SUMO2: variants seen among roughly 807,000 people sequenced by gnomAD.
SUMO2 encodes the protein small ubiquitin like modifier 2.
In SUMO2, 1 loss-of-function variant was observed where a neutral mutation model predicts 16.0. The observed-to-expected ratio is 0.06, with a 90% CI of 0.02 to 0.30. The LOEUF is 0.30. SUMO2 is among the 10% of genes least tolerant of loss of function. SUMO2 has a pLI of 1.00. For synonymous variants in SUMO2, 36 were observed against 40.6 expected (o/e 0.89, Z 0.43); for missense variants, 16 against 117.5 (o/e 0.14, Z 3.99).
At chr17:75,174,938 T>C (rs1209470942) in intron 2 of SUMO2, 115 bp from the exon 3 acceptor site, 2 of 890,188 alleles carry the variant, frequency 2.2e-6, no homozygotes, top group Non-Finnish European at 3.4e-6. Flanking sequence ...AATAAACAAT[T>C]GCCAACATGT....
intron 2 of SUMO2, among the ~76,000 whole-genome samples, chr17:75,179,548 T>C (rs1598228345): frequency 6.8e-6 from 1 of 147,278 alleles, no homozygotes; most frequent in South Asian, 2.1e-4. Flanking sequence ...AAAAAAAAGG[T>C]ATCTTTATAA....
chr17:75,180,403 A>AC (rs1312289072), intron 2 of SUMO2, among the ~76,000 whole-genome samples: 10 of 136,930 alleles, frequency 7.3e-5, no homozygotes, highest in South Asian at 4.7e-4. Flanking sequence ...AAAAAAAAAA[A>AC]AAAAAAAAAA....
intron 3 of SUMO2, among the ~76,000 whole-genome samples, chr17:75,171,069 TA>T (rs1555654517): frequency 5.6e-3 from 789 of 141,220 alleles, no homozygotes; most frequent in Admixed American, 6.3e-3. Flanking sequence ...AAGGGGCAGT[TA>T]AAAAAAAAAA....
Position 75,178,564 on chromosome 17 carries a change from T to C in SUMO2, c.153+2493A>G, listed in dbSNP as rs182029649. ...TGTTCAAAACCACCAAACTGAAGCA[T>C]GATTCTGTTTGTTTGTGGTTTTGAG... On this transcript the variant is annotated intron_variant, in intron 2 of 3. Transcript: ENST00000420826. Among the ~76,000 whole-genome samples the C allele has an allele frequency of 4.9e-4, 74 of 150,276 alleles. 2 individuals carry two copies. The East Asian group carries it at 0.01, about 21-fold the overall frequency.
At chr17:75,175,853 G>C (rs570267299) in intron 2 of SUMO2, among the ~76,000 whole-genome samples, 9 of 151,946 alleles carry the variant, frequency 5.9e-5, no homozygotes, top group African/African-American at 1.7e-4. Flanking sequence ...GACTGATCTC[G>C]AACTCCTGAC....
At chr17:75,181,946 A>G (rs2074832308) in intron 1 of SUMO2, among the ~76,000 whole-genome samples, 1 of 152,142 alleles carries the variant, frequency 6.6e-6, no homozygotes, top group Non-Finnish European at 1.5e-5. Context: ...CTGTAGCCCT[A>G]AAACGCTCCA....
intron 3 of SUMO2, among the ~76,000 whole-genome samples, chr17:75,169,958 C>T (rs1313866580): frequency 6.6e-6 from 1 of 151,534 alleles, no homozygotes; most frequent in Non-Finnish European, 1.5e-5. Flanking sequence ...AGTTCAAGAC[C>T]AGCCTGGCCA....
chr17:75,166,916 A>C lies in SUMO2; in HGVS notation c.*1423T>G, dbSNP rs1285926575. 1 of 152,062 alleles carries C rather than the reference A, an allele frequency of 6.6e-6. No individual in the cohort carries two copies. Among genetic ancestry groups the C allele is most frequent in the Non-Finnish European group, 1.5e-5 (1 of 68,086 alleles). The allele number at this position is 152,062 out of a possible 1,614,324, so 9.4% of individuals were successfully genotyped here. Reference sequence around the variant, plus strand: ...GAATGATGCTCCATCTCAAAAAACCACCACCAAAAGAAACCCTAAGAAACA... The same window carrying C: ...GAATGATGCTCCATCTCAAAAAACCCCCACCAAAAGAAACCCTAAGAAACA... On this transcript the variant is annotated 3_prime_UTR_variant, in exon 4 of 4. Transcript: ENST00000420826.
At chr17:75,180,713 A>T (rs2074822498) in intron 2 of SUMO2, among the ~76,000 whole-genome samples, 1 of 152,118 alleles carries the variant, frequency 6.6e-6, no homozygotes, top group African/African-American at 2.4e-5. Flanking sequence ...TCCATCTCAA[A>T]AAAATAAAAT....
At chr17:75,177,114 G>A (rs2074788615) in intron 2 of SUMO2, among the ~76,000 whole-genome samples, 1 of 151,662 alleles carries the variant, frequency 6.6e-6, no homozygotes, top group Non-Finnish European at 1.5e-5. Flanking sequence ...ATGAACCCGG[G>A]AGGTGGAGGT....
chr17:75,178,282 G>A (rs533606193), intron 2 of SUMO2, among the ~76,000 whole-genome samples: 7 of 152,048 alleles, frequency 4.6e-5, no homozygotes, highest in Non-Finnish European at 8.8e-5. Flanking sequence ...TTGGGAGGCC[G>A]AAGCAGGCGG....
intron 3 of SUMO2, among the ~76,000 whole-genome samples, chr17:75,172,438 G>C (rs1294822952): frequency 6.7e-6 from 1 of 149,920 alleles, no homozygotes; most frequent in Non-Finnish European, 1.5e-5. Flanking sequence ...TCCTGCCTCA[G>C]CCTCCTGAGT....
intron 3 of SUMO2, among the ~76,000 whole-genome samples, chr17:75,174,183 A>G (rs2074763979): frequency 6.6e-6 from 1 of 152,206 alleles, no homozygotes; most frequent in African/African-American, 2.4e-5. Context: ...TGTGGTCAGC[A>G]GTTCAAGACC....
chr17:75,173,348 C>G (rs1373194849), intron 3 of SUMO2, among the ~76,000 whole-genome samples: 1 of 152,048 alleles, frequency 6.6e-6, no homozygotes, highest in Non-Finnish European at 1.5e-5. Flanking sequence ...CCTGTAGAGA[C>G]CAGGTCTTGC....
chr17:75,177,443 C>T (rs955180531), intron 2 of SUMO2, among the ~76,000 whole-genome samples: 2 of 151,870 alleles, frequency 1.3e-5, no homozygotes, highest in Non-Finnish European at 2.9e-5. Flanking sequence ...TTTTGGAAGG[C>T]CAAGGCAGGT....
intron 1 of SUMO2, among the ~76,000 whole-genome samples, chr17:75,181,780 T>C (rs1413937272): frequency 6.6e-6 from 1 of 152,118 alleles, no homozygotes; most frequent in Non-Finnish European, 1.5e-5. Flanking sequence ...AACGTTCTCC[T>C]CTATTAGCAG....
chr17:75,170,390 T>C (rs1157754237), intron 3 of SUMO2, among the ~76,000 whole-genome samples: 5 of 151,420 alleles, frequency 3.3e-5, no homozygotes, highest in Non-Finnish European at 7.4e-5. Context: ...GCCAACATGG[T>C]GAAACCCTGT....
chr17:75,168,663 C>G (rs539710419), intron 3 of SUMO2, among the ~76,000 whole-genome samples: 1 of 151,974 alleles, frequency 6.6e-6, no homozygotes, highest in East Asian at 1.9e-4. Context: ...ACTGCAGTGG[C>G]GTGATCTCAG....
At chr17:75,174,165 G>A (rs996997583) in intron 3 of SUMO2, among the ~76,000 whole-genome samples, 1 of 152,092 alleles carries the variant, frequency 6.6e-6, no homozygotes, top group African/African-American at 2.4e-5. Flanking sequence ...CAAGGCGGGC[G>A]GATTACTTGT....
Sources: allele counts gnomAD v4.1 joint callset (sites outside exome capture counted in the v4.1 genomes callset), GRCh38; gene constraint gnomAD v4.1.1; transcripts MANE v1.5; gene names NCBI Gene and HGNC (gene_info 2026-07-23, HGNC 2026-07-21).